The following ADAMTSL1 variants were observed in gnomAD, a reference collection of about 807,000 sequenced individuals.
ADAMTSL1 encodes the protein ADAMTS like 1.
In ADAMTSL1, 126 loss-of-function variants were observed where a neutral mutation model predicts 201.8. The ratio of observed to expected loss-of-function variants is 0.62; its 90% confidence interval spans 0.54 to 0.72. ADAMTSL1 has a LOEUF of 0.72. Ranked by LOEUF, ADAMTSL1 falls within the 30% of genes least tolerant of loss-of-function variation. The probability of loss-of-function intolerance (pLI) is 0.00; values close to 1 mark genes in which losing one functional copy is unlikely to be tolerated. For missense variants in ADAMTSL1, 2,679 were observed against 2,277.8 expected (o/e 1.18, Z -3.59); for synonymous variants, 1,121 against 903.4 (o/e 1.24, Z -4.32).
At chr9:18,202,692 C>T (rs1355743263) in intron 2 of ADAMTSL1, among the ~76,000 whole-genome samples, 1 of 152,158 alleles carries the variant, frequency 6.6e-6, no homozygotes, top group African/African-American at 2.4e-5. Context: ...TGTAACACTT[C>T]CGTCCCCTTA....
Position 18,050,732 on chromosome 9 carries a change from A to G in ADAMTSL1, c.88-113130A>G, listed in dbSNP as rs573977125. Among the ~76,000 whole-genome samples the G allele has an allele frequency of 1.1e-4, 17 of 152,304 alleles. 1 individual carries two copies. The highest frequency in any genetic ancestry group is 4.1e-4 in the African/African-American group (17 of 41,566). Reference sequence around the variant, plus strand: ...CCTTTTGAGACCCAGAGGGAAATCTAAAGTCACAGGTGGGGATCTGACTCA... The same window carrying G: ...CCTTTTGAGACCCAGAGGGAAATCTGAAGTCACAGGTGGGGATCTGACTCA... On this transcript the variant is annotated intron_variant, in intron 1 of 29. Coordinates refer to the ADAMTSL1 transcript ENST00000680146.
At chr9:18,030,164 T>C (rs954344769) in intron 1 of ADAMTSL1, among the ~76,000 whole-genome samples, 1 of 152,202 alleles carries the variant, frequency 6.6e-6, no homozygotes, top group Non-Finnish European at 1.5e-5. Context: ...CCAACAATGA[T>C]AGACCGGATT....
intron 3 of ADAMTSL1, among the ~76,000 whole-genome samples, chr9:18,569,916 A>G (rs1822186047): frequency 6.6e-6 from 1 of 152,214 alleles, no homozygotes; most frequent in Non-Finnish European, 1.5e-5. Flanking sequence ...TACATTCAGT[A>G]TTCCTTAAAG....
intron 1 of ADAMTSL1, among the ~76,000 whole-genome samples, chr9:18,093,085 G>A (rs1293385957): frequency 6.6e-6 from 1 of 152,134 alleles, no homozygotes; most frequent in Non-Finnish European, 1.5e-5. Context: ...GCAGTTAATG[G>A]TCATTCATAG....
chr9:18,800,510 G>C (rs999858642), intron 20 of ADAMTSL1, among the ~76,000 whole-genome samples: 8 of 151,308 alleles, frequency 5.3e-5, no homozygotes, highest in Non-Finnish European at 1.2e-4. Context: ...ATACTGAATA[G>C]CTAAGACCCT....
chr9:18,271,408 G>A (rs1026713376), intron 2 of ADAMTSL1, among the ~76,000 whole-genome samples: 3 of 151,840 alleles, frequency 2.0e-5, no homozygotes, highest in African/African-American at 7.3e-5. Context: ...TCCCACCTAT[G>A]AGTGAGAACA....
At chr9:18,345,229 GA>G (rs1031855286) in intron 2 of ADAMTSL1, among the ~76,000 whole-genome samples, 8 of 148,310 alleles carry the variant, frequency 5.4e-5, no homozygotes, top group South Asian at 2.1e-4. Flanking sequence ...TTCCTGTTTA[GA>G]AAAAAAAAAG....
intron 2 of ADAMTSL1, among the ~76,000 whole-genome samples, chr9:18,371,344 C>T (rs1176334008): frequency 6.6e-6 from 1 of 152,118 alleles, no homozygotes; most frequent in Non-Finnish European, 1.5e-5. Flanking sequence ...CTGTCTCCTG[C>T]AGTTTGGTAT....
chr9:17,987,103 A>G (rs889814523), intron 1 of ADAMTSL1, among the ~76,000 whole-genome samples: 49 of 152,138 alleles, frequency 3.2e-4, no homozygotes, highest in African/African-American at 1.2e-3. Flanking sequence ...CTTTTATATC[A>G]TGTCTCTCTG....
At chr9:17,971,086 A>G (rs1212878390) in intron 1 of ADAMTSL1, among the ~76,000 whole-genome samples, 1 of 152,070 alleles carries the variant, frequency 6.6e-6, no homozygotes, top group East Asian at 1.9e-4. Context: ...TTCATATGGC[A>G]AAACTGATTT....
intron 1 of ADAMTSL1, among the ~76,000 whole-genome samples, chr9:18,086,452 G>T (rs1271196544): frequency 6.6e-6 from 1 of 151,882 alleles, no homozygotes; most frequent in Non-Finnish European, 1.5e-5. Context: ...TTCTTTAAGA[G>T]CCATCATATA....
chr9:18,066,141 A>G (rs1173398746), intron 1 of ADAMTSL1, among the ~76,000 whole-genome samples: 3 of 152,178 alleles, frequency 2.0e-5, no homozygotes, highest in Non-Finnish European at 4.4e-5. Context: ...CTTTCAAATA[A>G]TCTTGCATAA....
chr9:17,977,147 A>C (rs1450526077), intron 1 of ADAMTSL1, among the ~76,000 whole-genome samples: 1 of 152,104 alleles, frequency 6.6e-6, no homozygotes, highest in East Asian at 1.9e-4. Context: ...TGTATGTTAA[A>C]ATATCCTTGT....
intron 2 of ADAMTSL1, among the ~76,000 whole-genome samples, chr9:18,377,490 AG>A (rs1837350971): frequency 6.6e-6 from 1 of 152,336 alleles, no homozygotes; most frequent in South Asian, 2.1e-4. Context: ...GGCATTTCTA[AG>A]TATAAATTCA....
At chr9:18,751,259 GCTTCT>G (rs1410024977) in intron 15 of ADAMTSL1, among the ~76,000 whole-genome samples, 1 of 152,190 alleles carries the variant, frequency 6.6e-6, no homozygotes, top group Non-Finnish European at 1.5e-5. Flanking sequence ...ATTCAAGCCA[GCTTCT>G]CTTCTTCTAT....
At chr9:18,310,369 CAAAAAAAAAAAAAAA>C (rs570081965) in intron 2 of ADAMTSL1, among the ~76,000 whole-genome samples, 15 of 35,272 alleles carry the variant, frequency 4.3e-4, no homozygotes, top group South Asian at 1.8e-3. Flanking sequence ...TTCTGCATAG[CAAAAAAAAAAAAAAA>C]AAAAAAAAAA....
At chr9:18,425,708 A>T (rs1052847339) in intron 2 of ADAMTSL1, among the ~76,000 whole-genome samples, 1 of 151,722 alleles carries the variant, frequency 6.6e-6, no homozygotes, top group Non-Finnish European at 1.5e-5. Flanking sequence ...TAAAAAAAAA[A>T]TAGCTGAGCA....
At chr9:18,215,320 T>G (rs1006664660) in intron 2 of ADAMTSL1, among the ~76,000 whole-genome samples, 2 of 152,164 alleles carry the variant, frequency 1.3e-5, no homozygotes, top group Admixed American at 1.3e-4. Context: ...TCAAAAAAGA[T>G]TATCTAATTT....
At chr9:18,085,509 C>CATATAT (rs140122832) in intron 1 of ADAMTSL1, among the ~76,000 whole-genome samples, 3 of 145,026 alleles carry the variant, frequency 2.1e-5, no homozygotes, top group Non-Finnish European at 4.5e-5. Flanking sequence ...ACTGTGTGTG[C>CATATAT]ATATATATAT....
Sources: allele counts gnomAD v4.1 joint callset (sites outside exome capture counted in the v4.1 genomes callset), GRCh38; gene constraint gnomAD v4.1.1; transcripts MANE v1.5; gene names NCBI Gene and HGNC (gene_info 2026-07-23, HGNC 2026-07-21).